Variants in CDK14 observed in about 807,000 individuals in gnomAD.
CDK14 encodes cyclin dependent kinase 14.
In CDK14, 34 loss-of-function variants were observed where a neutral mutation model predicts 60.7. The ratio of observed to expected loss-of-function variants is 0.56; its 90% CI spans 0.43 to 0.75. The LOEUF (loss-of-function observed/expected upper bound fraction) is 0.75, where lower values mean the gene tolerates loss of function less well. CDK14 is among the 30% of genes least tolerant of loss of function. The pLI, the probability that CDK14 is intolerant of heterozygous loss-of-function variation, is 0.00. For missense variants in CDK14, 482 were observed against 564.1 expected (o/e 0.85, Z 1.47); for synonymous variants, 197 against 203.7 (o/e 0.97, Z 0.28).
intron 8 of CDK14, among the ~76,000 whole-genome samples, chr7:90,952,042 A>G (rs761134093): frequency 6.6e-6 from 1 of 152,192 alleles, no homozygotes; most frequent in Non-Finnish European, 1.5e-5. Context: ...CAAAACCAGC[A>G]TTTAAGGGGC....
intron 12 of CDK14, among the ~76,000 whole-genome samples, chr7:91,089,326 A>G (rs1210805182): frequency 6.6e-6 from 1 of 152,074 alleles, no homozygotes; most frequent in East Asian, 1.9e-4. Flanking sequence ...GGACTATATT[A>G]CTGTTTATAA....
At chr7:91,091,520 T>TATATATATATA (rs1268235380) in intron 12 of CDK14, among the ~76,000 whole-genome samples, 18 of 140,922 alleles carry the variant, frequency 1.3e-4, no homozygotes, top group African/African-American at 3.6e-4. Flanking sequence ...TATATATAAA[T>TATATATATATA]TAGCCAGGCA....
chr7:91,162,318 T>A (rs1190895827), intron 14 of CDK14, among the ~76,000 whole-genome samples: 2 of 152,244 alleles, frequency 1.3e-5, no homozygotes, highest in East Asian at 1.9e-4. Flanking sequence ...CTCTGCTATG[T>A]TTAAATTTCT....
chr7:91,146,440 AT>A (rs538409364), intron 14 of CDK14, among the ~76,000 whole-genome samples: 7,306 of 152,172 alleles, frequency 0.048, 435 homozygotes, highest in East Asian at 0.31. Context: ...ACCTCAGGTG[AT>A]CTGCTTGCCT....
At chr7:90,790,721 C>A in intron 5 of CDK14, 69 bp downstream of exon 5, 1 of 955,618 alleles carries the variant, frequency 1.0e-6, no homozygotes, top group Non-Finnish European at 1.7e-6. Context: ...TAATATTATA[C>A]ACCTCTGAAT....
chr7:91,103,311 G>A (rs1799195632), intron 12 of CDK14, among the ~76,000 whole-genome samples: 1 of 151,552 alleles, frequency 6.6e-6, no homozygotes, highest in Admixed American at 6.6e-5. Context: ...CACAACCAGT[G>A]GACCTCCTCT....
chr7:91,168,679 CTTAA>C (rs1223156645), intron 14 of CDK14, among the ~76,000 whole-genome samples: 7 of 152,168 alleles, frequency 4.6e-5, no homozygotes, highest in Admixed American at 3.9e-4. Context: ...CATTTTATTT[CTTAA>C]TTAAGTATCA....
At chr7:90,982,214 A>G (rs886858170) in intron 9 of CDK14, among the ~76,000 whole-genome samples, 1 of 152,216 alleles carries the variant, frequency 6.6e-6, no homozygotes, top group South Asian at 2.1e-4. Context: ...AAGGGGAGCA[A>G]TTCTGTCTGC....
chr7:90,952,070 A>G (rs1008640499), intron 8 of CDK14, among the ~76,000 whole-genome samples: 3 of 152,216 alleles, frequency 2.0e-5, no homozygotes, highest in Non-Finnish European at 2.9e-5. Context: ...GGTAGGTCCC[A>G]GAAGGAGACC....
At chr7:90,886,966 T>G (rs1039210282) in intron 6 of CDK14, among the ~76,000 whole-genome samples, 2 of 152,186 alleles carry the variant, frequency 1.3e-5, no homozygotes, top group African/African-American at 4.8e-5. Flanking sequence ...TTTTTTCATT[T>G]GACAGACAAG....
intron 6 of CDK14, among the ~76,000 whole-genome samples, chr7:90,896,533 TA>T (rs569786694): frequency 8.0e-5 from 12 of 150,368 alleles, no homozygotes; most frequent in African/African-American, 2.7e-4. Context: ...ATTCTGGCAT[TA>T]AAAAAAAACC....
intron 2 of CDK14, among the ~76,000 whole-genome samples, chr7:90,690,857 T>A (rs902414127): frequency 3.3e-5 from 5 of 152,120 alleles, no homozygotes; most frequent in African/African-American, 1.2e-4. Flanking sequence ...AGAATAAGAA[T>A]GAAAACAATT....
chr7:91,006,127 CTCAGCCTGCT>C (rs1169458494), intron 10 of CDK14, among the ~76,000 whole-genome samples: 1 of 152,258 alleles, frequency 6.6e-6, no homozygotes, highest in Non-Finnish European at 1.5e-5. Flanking sequence ...CATCTGGGAA[CTCAGCCTGCT>C]TCAGCCTGCT....
At chr7:91,164,614 A>G (rs1801286509) in intron 14 of CDK14, among the ~76,000 whole-genome samples, 1 of 152,170 alleles carries the variant, frequency 6.6e-6, no homozygotes, top group Admixed American at 6.5e-5. Context: ...TATGTTGCAG[A>G]TGAATAAAAC....
intron 8 of CDK14, among the ~76,000 whole-genome samples, chr7:90,940,663 G>A (rs1423078513): frequency 6.6e-6 from 1 of 152,036 alleles, no homozygotes; most frequent in East Asian, 1.9e-4. Flanking sequence ...GCATGTGCCT[G>A]TAGTCCCAGC....
chr7:90,778,218 TA>T (rs1805132965), intron 4 of CDK14, among the ~76,000 whole-genome samples: 1 of 152,244 alleles, frequency 6.6e-6, no homozygotes, highest in Admixed American at 6.5e-5. Context: ...ACATTTTGTC[TA>T]AATCTTTCAT....
rs183276936 is a variant in CDK14 at position 90,929,406 on chromosome 7, G to T, written c.826+11682G>T. On this transcript the variant is annotated intron_variant, in intron 8 of 14. Coordinates refer to ENST00000380050, the MANE Select transcript of CDK14 (RefSeq NM_001287135.2). ...TTGTCTTGCATATTTCATGGTGATG[G>T]TTATTTGACTATTTTAAAGTATAAT... Among the ~76,000 whole-genome samples, 334 of 152,266 alleles carry T rather than the reference G, an allele frequency of 2.2e-3. 1 individual carries two copies. The highest frequency in any genetic ancestry group is 3.5e-3 in the Non-Finnish European group (237 of 68,024).
intron 11 of CDK14, among the ~76,000 whole-genome samples, chr7:91,064,973 A>T (rs1039014371): frequency 6.6e-6 from 1 of 152,338 alleles, no homozygotes; most frequent in Admixed American, 6.5e-5. Flanking sequence ...AGAAAGGTGT[A>T]GATGGTTTGG....
chr7:90,673,999 A>G (rs10224622), intron 2 of CDK14, among the ~76,000 whole-genome samples: 40 of 152,256 alleles, frequency 2.6e-4, no homozygotes, highest in African/African-American at 9.1e-4. Context: ...TGCTGATTGC[A>G]TTGGGATGAA....
Sources: gnomAD v4.1 joint callset for allele counts (sites outside exome capture counted in the v4.1 genomes callset) on GRCh38, gnomAD v4.1.1 for gene constraint, MANE v1.5 for transcripts, NCBI Gene and HGNC (gene_info 2026-07-23, HGNC 2026-07-21) for gene names.